The following DGKB variants were observed in gnomAD, a reference collection of about 807,000 sequenced individuals.
DGKB encodes 90 kDa diacylglycerol kinase.
A neutral mutation model predicts 114.3 loss-of-function variants in DGKB; 67 were observed. The observed-to-expected ratio is 0.59, with a 90% CI of 0.48 to 0.72. DGKB has a LOEUF of 0.72. DGKB is among the 30% of genes least tolerant of loss of function. The pLI is 0.00. For missense variants in DGKB, 907 were observed against 975.2 expected (o/e 0.93, Z 0.93); for synonymous variants, 398 against 323.1 (o/e 1.23, Z -2.49).
intron 5 of DGKB, among the ~76,000 whole-genome samples, chr7:14,732,719 G>A (rs945432403): frequency 2.0e-5 from 3 of 152,048 alleles, no homozygotes; most frequent in South Asian, 2.1e-4. Context: ...TGTAGAATGC[G>A]TAATTTTCCC....
At position 14,938,617 on chromosome 7, in the gene DGKB, T is replaced by C. The variant is rs1587418944; in HGVS notation, c.-188+36079A>G. The stretch of plus-strand genomic sequence containing the variant: ...GTATTATTATTCTTTTCTTTCTTTC[T>C]TTTTTTTTTTAGTTTTCTCATTGCT... On this transcript the variant is annotated intron_variant, in intron 1 of 4. Transcript: ENST00000437998. Among the ~76,000 whole-genome samples the C allele has an allele frequency of 6.1e-5, 4 of 65,510 alleles. 2 individuals are homozygous for C. The highest frequency in any genetic ancestry group is 2.7e-4 in the African/African-American group (4 of 14,738). 43.0% of individuals were successfully genotyped at this position (65,510 alleles called of 152,430 possible).
chr7:14,335,737 G>T (rs1054568042), intron 23 of DGKB, among the ~76,000 whole-genome samples: 1 of 151,936 alleles, frequency 6.6e-6, no homozygotes, highest in African/African-American at 2.4e-5. Context: ...CTGCTTTGTT[G>T]TGTTTTTGTT....
At chr7:14,247,520 G>C (rs891282763) in intron 23 of DGKB, among the ~76,000 whole-genome samples, 2 of 151,910 alleles carry the variant, frequency 1.3e-5, no homozygotes, top group Non-Finnish European at 2.9e-5. Flanking sequence ...TTTATCTTTA[G>C]TCTTTTTGAT....
chr7:14,269,188 T>C (rs1479555485), intron 23 of DGKB: 3 of 152,276 alleles, frequency 2.0e-5, no homozygotes, highest in Admixed American at 6.5e-5. Context: ...GGCAGCTGGC[T>C]TTACCCAGAG....
At chr7:14,826,083 C>G (rs60557254) in intron 2 of DGKB, among the ~76,000 whole-genome samples, 1 of 151,976 alleles carries the variant, frequency 6.6e-6, no homozygotes, top group South Asian at 2.1e-4. Context: ...GGGGCTTGCA[C>G]GAAGTAGCAG....
intron 23 of DGKB, among the ~76,000 whole-genome samples, chr7:14,194,437 G>T (rs544701228): frequency 1.3e-5 from 2 of 152,170 alleles, no homozygotes; most frequent in African/African-American, 4.8e-5. Flanking sequence ...ACCGAAATAA[G>T]CCAGACACAG....
At chr7:14,971,595 C>T (rs981588540) in intron 1 of DGKB, among the ~76,000 whole-genome samples, 4 of 151,766 alleles carry the variant, frequency 2.6e-5, no homozygotes, top group Non-Finnish European at 4.4e-5. Context: ...ACCAACTAGG[C>T]TTATTTAGGA....
chr7:14,513,553 C>A (rs943349982), intron 20 of DGKB, among the ~76,000 whole-genome samples: 2 of 151,946 alleles, frequency 1.3e-5, no homozygotes, highest in African/African-American at 4.8e-5. Context: ...TATTTTCATA[C>A]TATGTCAACA....
intron 4 of DGKB, among the ~76,000 whole-genome samples, chr7:14,748,478 A>G (rs952892581): frequency 6.6e-6 from 1 of 152,170 alleles, no homozygotes; most frequent in African/African-American, 2.4e-5. Flanking sequence ...CAGCTAGTAC[A>G]ATGGCCCTGA....
At chr7:14,325,519 T>A (rs1320029948) in intron 23 of DGKB, among the ~76,000 whole-genome samples, 1 of 152,182 alleles carries the variant, frequency 6.6e-6, no homozygotes, top group Non-Finnish European at 1.5e-5. Context: ...GAGTGAACTG[T>A]ACTCTAGTCA....
intron 20 of DGKB, among the ~76,000 whole-genome samples, chr7:14,569,775 A>T (rs1798104113): frequency 1.4e-5 from 1 of 72,502 alleles, no homozygotes; most frequent in Non-Finnish European, 4.0e-5. Context: ...CCAATCTTGC[A>T]TAGTTATATA....
At chr7:14,731,005 T>A (rs1238899018) in intron 5 of DGKB, among the ~76,000 whole-genome samples, 1 of 152,128 alleles carries the variant, frequency 6.6e-6, no homozygotes, top group Non-Finnish European at 1.5e-5. Context: ...TAATTGATAG[T>A]TTATGATGAA....
chr7:14,157,880 C>G (rs897042215), intron 25 of DGKB, among the ~76,000 whole-genome samples: 1 of 152,126 alleles, frequency 6.6e-6, no homozygotes, highest in African/African-American at 2.4e-5. Flanking sequence ...AAAAACACTT[C>G]TTTTCTTAAC....
intron 25 of DGKB, among the ~76,000 whole-genome samples, chr7:14,169,743 G>A (rs1430774441): frequency 1.3e-5 from 2 of 152,054 alleles, no homozygotes; most frequent in African/African-American, 2.4e-5. Flanking sequence ...GCAGTGGGAA[G>A]CAAAATATGT....
intron 17 of DGKB, among the ~76,000 whole-genome samples, chr7:14,599,518 C>CA (rs1178492799): frequency 1.3e-5 from 2 of 152,182 alleles, no homozygotes; most frequent in African/African-American, 4.8e-5. Flanking sequence ...TCCTCATCTT[C>CA]ACATCTATAC....
chr7:14,626,961 C>T (rs547824376), intron 14 of DGKB, among the ~76,000 whole-genome samples: 1 of 152,148 alleles, frequency 6.6e-6, no homozygotes, highest in South Asian at 2.1e-4. Context: ...AAGTTATTTA[C>T]CATTGCTATG....
chr7:14,207,338 T>C (rs1787001002), intron 23 of DGKB, among the ~76,000 whole-genome samples: 1 of 151,878 alleles, frequency 6.6e-6, no homozygotes, highest in African/African-American at 2.4e-5. Context: ...TGCATTGGTG[T>C]GAGATGTTTG....
chr7:14,403,227 C>G (rs1823413043), intron 21 of DGKB, among the ~76,000 whole-genome samples: 3 of 151,738 alleles, frequency 2.0e-5, no homozygotes, highest in African/African-American at 7.2e-5. Context: ...AAAAAAAAAG[C>G]CTGATATTCT....
chr7:14,458,534 G>A lies in DGKB; in HGVS notation c.1835+19627C>T, dbSNP rs1832624452. Among the ~76,000 whole-genome samples the A allele has an allele frequency of 3.3e-5, 5 of 152,204 alleles. No individual in the cohort carries two copies. In the South Asian group the frequency reaches 1.0e-3, roughly 32 times the overall value. ...CATTTGGACTGGTTAGACAGTGGGT[G>A]CAGCCCACAGAGGGTGAGCCGAAGC... On this transcript the variant is annotated intron_variant, in intron 21 of 25. Transcript: ENST00000402815.
Sources: allele counts gnomAD v4.1 joint callset (sites outside exome capture counted in the v4.1 genomes callset), GRCh38; gene constraint gnomAD v4.1.1; transcripts MANE v1.5; gene names NCBI Gene and HGNC (gene_info 2026-07-23, HGNC 2026-07-21).